The following ARIH2 variants were observed in gnomAD, a reference collection of about 807,000 sequenced individuals.
ARIH2 encodes the protein ariadne RBR E3 ubiquitin protein ligase 2.
Under a neutral mutation model 79.8 loss-of-function variants are expected in ARIH2, and 12 were observed. The observed-to-expected ratio is 0.15, with a 90% confidence interval of 0.10 to 0.24. ARIH2 has a LOEUF of 0.24. Ranked by LOEUF, ARIH2 falls within the 10% of genes least tolerant of loss-of-function variation. The pLI, the probability that ARIH2 is intolerant of heterozygous loss-of-function variation, is 1.00. For synonymous variants in ARIH2, 224 were observed against 213.9 expected (o/e 1.05, Z -0.41); for missense variants, 301 against 618.3 (o/e 0.49, Z 5.44).
In ARIH2 at chr3:48,984,904, G is replaced by A. The variant is rs1166027229; in HGVS notation, c.*1634G>A. 2 of 152,210 alleles carry A rather than the reference G, an allele frequency of 1.3e-5. No homozygotes were observed. Among genetic ancestry groups the A allele is most frequent in the Admixed American group, 6.6e-5 (1 of 15,260 alleles). The allele number at this position is 152,210 out of a possible 1,614,324, so 9.4% of individuals were successfully genotyped here. A position where few individuals can be genotyped will look rare whatever the true frequency, so the allele number is the denominator to read the frequency against. On this transcript the variant is annotated 3_prime_UTR_variant, in exon 16 of 16. Coordinates refer to ENST00000356401, the MANE Select transcript of ARIH2 (RefSeq NM_006321.4). Reference sequence around the variant, plus strand: ...GCAGGTTCCCTTTTTCCTTCCTCAGGTTTTGTCTCTTCCTGTGTTGTCCCC... The same window carrying A: ...GCAGGTTCCCTTTTTCCTTCCTCAGATTTTGTCTCTTCCTGTGTTGTCCCC...
In ARIH2 at chr3:48,918,870, A is replaced by C. The variant is rs2084281153; in HGVS notation, c.-290A>C. The C allele has an allele frequency of 6.2e-7, 1 of 1,609,968 alleles. No individual in the cohort carries two copies. Among genetic ancestry groups the C allele is most frequent in the South Asian group, 1.1e-5 (1 of 90,958 alleles). On this transcript the variant is annotated 5_prime_UTR_variant, in exon 1 of 16. Transcript: ENST00000356401. ...GCTGTGGGGACGACTCTTCTGGAGG[A>C]AGCAGCGCGGGCTTGACCGGCGTCG...
chr3:48,969,428 T>C (rs971081289), intron 7 of ARIH2, among the ~76,000 whole-genome samples: 2 of 152,096 alleles, frequency 1.3e-5, no homozygotes, highest in Non-Finnish European at 2.9e-5. Context: ...TTCCCTCTAT[T>C]AGGCCATCTG....
At chr3:48,964,026 T>A (rs1002500064) in intron 4 of ARIH2, among the ~76,000 whole-genome samples, 1 of 151,986 alleles carries the variant, frequency 6.6e-6, no homozygotes, top group African/African-American at 2.4e-5. Context: ...TTTTTATTTT[T>A]ATTTTTATTT....
At chr3:48,945,167 C>T (rs989583395) in intron 3 of ARIH2, 2 of 1,289,838 alleles carry the variant, frequency 1.6e-6, no homozygotes, top group South Asian at 2.5e-5. Context: ...CAGCTGCATC[C>T]TCCCTATGGC....
chr3:48,942,663 T>G (rs2088490742), intron 3 of ARIH2, among the ~76,000 whole-genome samples: 2 of 148,462 alleles, frequency 1.3e-5, no homozygotes, highest in Non-Finnish European at 3.0e-5. Flanking sequence ...TTTTTTTTTT[T>G]TTTTTGAGAT....
rs747564744 is a variant in ARIH2 at position 48,918,967 on chromosome 3, C to G, written c.-193C>G. 4.0e-6 allele frequency: 6 copies of G among 1,483,890 alleles called. No homozygotes were observed. The East Asian group carries it at 7.1e-5, about 18-fold the overall frequency. 91.9% of individuals were successfully genotyped at this position (1,483,890 alleles called of 1,614,324 possible). A position where few individuals can be genotyped will look rare whatever the true frequency, so the allele number is the denominator to read the frequency against. On this transcript the variant is annotated 5_prime_UTR_variant, in exon 1 of 16. Coordinates refer to ENST00000356401, the MANE Select transcript of ARIH2 (RefSeq NM_006321.4). ...CCGGCCTGACCCGGTCTGGCTTGTT[C>G]GGGCTCAGCGGCCGCGAGGCCGCAG...
At chr3:48,982,606 A>C (rs1296850889) in intron 14 of ARIH2, 2 of 327,978 alleles carry the variant, frequency 6.1e-6, no homozygotes, top group Non-Finnish European at 1.1e-5. Flanking sequence ...ATTCCCTTTC[A>C]TGTTGGGAGT....
rs1378364294 is a variant in ARIH2, at chr3:48,983,578, T to A, written c.*308T>A. ...AATAGTATTAGATCATTACAACTTA[T>A]GTAACTTTCAAAGGTTGTACAATTA... On this transcript the variant is annotated 3_prime_UTR_variant, in exon 16 of 16. Coordinates refer to ENST00000356401, the MANE Select transcript of ARIH2 (RefSeq NM_006321.4). The A allele has an allele frequency of 8.0e-5, 23 of 288,206 alleles. No homozygotes were observed. Among genetic ancestry groups the A allele is most frequent in the Non-Finnish European group, 1.9e-5 (3 of 157,038 alleles). 17.9% of individuals were successfully genotyped at this position (288,206 alleles called of 1,614,324 possible).
chr3:48,947,443 A>AG (rs2089338984), intron 3 of ARIH2, among the ~76,000 whole-genome samples: 1 of 149,136 alleles, frequency 6.7e-6, no homozygotes, highest in Admixed American at 6.7e-5. Context: ...CTCTGTCTCA[A>AG]AAAAAAAAAA....
At chr3:48,954,295 G>A (rs1292058685) in intron 3 of ARIH2, among the ~76,000 whole-genome samples, 1 of 151,720 alleles carries the variant, frequency 6.6e-6, no homozygotes, top group Non-Finnish European at 1.5e-5. Context: ...TCTCTACTAA[G>A]GCATCGTGGT....
Position 48,974,865 on chromosome 3 carries a change from A to G in ARIH2, c.937A>G (p.Met313Val). Residue 313 changes from methionine to valine, a missense_variant and splice_region_variant, in exon 10 of 16, where the codon ATG (methionine) becomes GTG (valine). This residue lies in a region of ARIH2 where 78 missense variants were observed against 268.9 expected (regional missense o/e 0.29). Coordinates refer to ENST00000356401, the MANE Select transcript of ARIH2 (RefSeq NM_006321.4). ...TGAGAAGAATGGAGGCTGCAATCACATGGTGAGCAGAAGCCTCTGCAGTTT... is the reference window on the plus strand; with the variant it reads ...TGAGAAGAATGGAGGCTGCAATCACGTGGTGAGCAGAAGCCTCTGCAGTTT... ...CIEKNGGCNH[M>V]QCSKCKHDFC... 1 of 1,614,092 alleles carries G rather than the reference A, an allele frequency of 6.2e-7. No homozygotes were observed. The highest frequency in any genetic ancestry group is 8.5e-7 in the Non-Finnish European group (1 of 1,180,040).
chr3:48,951,681 C>G (rs1444760812), intron 3 of ARIH2, among the ~76,000 whole-genome samples: 1 of 151,556 alleles, frequency 6.6e-6, no homozygotes, highest in African/African-American at 2.4e-5. Flanking sequence ...ATGTTAATTT[C>G]ATTTAAGATG....
rs377267526 is a variant in ARIH2 at position 48,961,240 on chromosome 3, C to T, written c.256-372C>T. Reference sequence around the variant, plus strand: ...ACAGGCCTAACTAGAGATGTGCTTCCGGCGTACAACCTCCTACAGCAGCTT... The same window carrying T: ...ACAGGCCTAACTAGAGATGTGCTTCTGGCGTACAACCTCCTACAGCAGCTT... On this transcript the variant is annotated intron_variant, in intron 3 of 15. Transcript: ENST00000356401. 7.9e-5 allele frequency among the ~76,000 whole-genome samples: 12 copies of T among 152,268 alleles called. No homozygotes were observed. The East Asian group carries it at 1.2e-3, about 15-fold the overall frequency.
chr3:48,950,084 TTTGAG>T (rs1158762252), intron 3 of ARIH2, among the ~76,000 whole-genome samples: 1 of 152,184 alleles, frequency 6.6e-6, no homozygotes, highest in Non-Finnish European at 1.5e-5. Context: ...TGTGAACTCT[TTTGAG>T]TTAATTTTTG....
At position 48,964,947 on chromosome 3, in the gene ARIH2, G is replaced by T. The variant is rs527850935; in HGVS notation, c.352G>T (p.Val118Phe). 2.7e-5 allele frequency: 43 copies of T among 1,613,700 alleles called. No individual in the cohort carries two copies. In the East Asian group the frequency reaches 3.6e-4, roughly 13 times the overall value. Reference sequence around the variant, plus strand: ...CAAGTCCAATTCTGCTCAACTGCTTGTTGAGGCTCGAGTTCAGCCTAATCC... The same window carrying T: ...CAAGTCCAATTCTGCTCAACTGCTTTTTGAGGCTCGAGTTCAGCCTAATCC... ...RYKSNSAQLL[V>F]EARVQPNPSK... Residue 118 changes from valine (V) to phenylalanine (F), a missense_variant, in exon 5 of 16, where the codon GTT becomes TTT. Physicochemically the swap from Val to Phe is conservative, Grantham distance 50. Around this residue, in one of 2 missense-constraint regions of ARIH2, gnomAD observed 223 missense variants for 349.4 expected, o/e 0.64. Coordinates refer to ENST00000356401, the MANE Select transcript of ARIH2 (RefSeq NM_006321.4).
chr3:48,974,354 G>A (rs2092398833), intron 9 of ARIH2, among the ~76,000 whole-genome samples: 1 of 152,192 alleles, frequency 6.6e-6, no homozygotes, highest in Non-Finnish European at 1.5e-5. Context: ...CATCAGACTG[G>A]TGTCTTCATT....
At chr3:48,957,404 A>C (rs554512335) in intron 3 of ARIH2, among the ~76,000 whole-genome samples, 3 of 152,222 alleles carry the variant, frequency 2.0e-5, no homozygotes, top group Non-Finnish European at 4.4e-5. Context: ...TTGAATGGCT[A>C]CCCAGTGTCC....
At chr3:48,979,449 A>G (rs780673477) in intron 11 of ARIH2, 33 bp from the exon 12 acceptor site, 72 of 1,604,794 alleles carry the variant, frequency 4.5e-5, no homozygotes, top group Non-Finnish European at 6.0e-5. Context: ...GTTGTCTTGT[A>G]GATGTAAATG....
rs571401250 is a variant in ARIH2, at chr3:48,932,895, A to G, written c.255+5082A>G. On this transcript the variant is annotated intron_variant, in intron 3 of 15. Coordinates refer to ENST00000356401, the MANE Select transcript of ARIH2 (RefSeq NM_006321.4). ...ACCTTGAAGGTGGTGTAGAAGGGCAATGCAGGTTATAGAAGTCCTGGCTCC... is the reference window on the plus strand; with the variant it reads ...ACCTTGAAGGTGGTGTAGAAGGGCAGTGCAGGTTATAGAAGTCCTGGCTCC... Among the ~76,000 whole-genome samples the G allele has an allele frequency of 2.0e-5, 3 of 152,174 alleles. No individual in the cohort carries two copies. In the South Asian group the frequency reaches 6.2e-4, roughly 32 times the overall value.
Sources: allele counts gnomAD v4.1 joint callset (sites outside exome capture counted in the v4.1 genomes callset), GRCh38; gene constraint gnomAD v4.1.1; regional missense constraint gnomAD v4.1.1; transcripts MANE v1.5; gene names NCBI Gene and HGNC (gene_info 2026-07-23, HGNC 2026-07-21).